TPM2: variants seen among roughly 807,000 people sequenced by gnomAD.
TPM2 encodes tropomyosin 2, also known as tropomyosin beta chain.
TPM2 carries 26 observed loss-of-function variants against 41.0 expected under a neutral mutation model. That is an observed-to-expected ratio of 0.63 (90% CI 0.46 to 0.88). TPM2 has a LOEUF of 0.88. Ranked by LOEUF, TPM2 falls within the 40% of genes least tolerant of loss-of-function variation. The probability of loss-of-function intolerance (pLI) is 0.00; values close to 1 mark genes in which losing one functional copy is unlikely to be tolerated. For missense variants in TPM2, 187 were observed against 355.2 expected, an observed-to-expected ratio of 0.53 and a Z score of 3.81; for synonymous variants, 143 against 139.3, an observed-to-expected ratio of 1.03 and a Z score of -0.19.
intron 7 of TPM2, 59 bp downstream of exon 7, chr9:35,684,427 CGT>C: frequency 6.2e-7 from 1 of 1,610,746 alleles, no homozygotes; most frequent in South Asian, 1.1e-5. Context: ...TGCCACAGGC[CGT>C]CTCTGGCAAG....
intron 2 of TPM2, among the ~76,000 whole-genome samples, chr9:35,687,572 C>T (rs1254840528): frequency 6.6e-6 from 1 of 151,990 alleles, no homozygotes; most frequent in African/African-American, 2.4e-5. Context: ...TAGATGGTAG[C>T]TTGTCTTCCA....
At chr9:35,684,161 G>A in intron 8 of TPM2, 85 bp downstream of exon 8, 1 of 1,407,622 alleles carries the variant, frequency 7.1e-7, no homozygotes, top group Admixed American at 1.7e-5. Context: ...CTAGTTTATT[G>A]GTGGCAAATA....
intron 8 of TPM2, 37 bp downstream of exon 8, chr9:35,684,209 C>T (rs376841207): frequency 8.1e-5 from 129 of 1,596,602 alleles, no homozygotes; most frequent in South Asian, 1.9e-4. Flanking sequence ...CTGATAATCA[C>T]GGCAGGTGTG....
In TPM2 at chr9:35,689,291, G is replaced by C; in HGVS notation, c.115-20C>G. ...CTCCAGCTGGGACAGAGGGGACTTG[G>C]TCAGCCAGGCTGGGAGGGGGCCCAG... On this transcript the variant is annotated intron_variant, in intron 1 of 8. Coordinates refer to ENST00000645482, the MANE Select transcript of TPM2 (RefSeq NM_003289.4). The C allele has an allele frequency of 6.2e-7, 1 of 1,613,990 alleles. No individual in the cohort carries two copies. Among genetic ancestry groups the C allele is most frequent in the Non-Finnish European group, 8.5e-7 (1 of 1,179,970 alleles).
intron 8 of TPM2, chr9:35,683,920 G>A: frequency 2.5e-6 from 1 of 392,310 alleles, no homozygotes; most frequent in Non-Finnish European, 4.9e-6. Context: ...AGGACCAGCA[G>A]CATTGGCAGT....
downstream of TPM2, chr9:35,682,301 G>T: frequency 2.0e-6 from 2 of 1,018,904 alleles, no homozygotes; most frequent in Non-Finnish European, 3.0e-6. Context: ...AGGGCCCCTT[G>T]GCAGGGACAA....
At chr9:35,683,301 A>G (rs564787953) in intron 8 of TPM2, 60 bp from the exon 9 acceptor site, 1 of 1,457,924 alleles carries the variant, frequency 6.9e-7, no homozygotes, top group African/African-American at 1.4e-5. Flanking sequence ...GGAGGGAAAG[A>G]GGAAAGGAAG....
rs1432519477 is a variant in TPM2 at position 35,689,819 on chromosome 9, G to A, written c.-2C>T. The A allele has an allele frequency of 6.2e-7, 1 of 1,613,596 alleles. No individual in the cohort carries two copies. The highest frequency in any genetic ancestry group is 1.6e-4 in the Middle Eastern group (1 of 6,062). ...CATCTTCTTCTTGATGGCGTCCATG[G>A]CTGCGGTGGGGGGTGGGCCGGCCGG... On this transcript the variant is annotated 5_prime_UTR_variant, in exon 1 of 9. Transcript: ENST00000645482.
downstream of TPM2, chr9:35,682,559 C>A: frequency 8.1e-7 from 1 of 1,241,178 alleles, no homozygotes. Context: ...TTGCTGATAT[C>A]CAACATTTTT....
At chr9:35,683,694 A>C (rs1334272766) in intron 8 of TPM2, among the ~76,000 whole-genome samples, 1 of 152,272 alleles carries the variant, frequency 6.6e-6, no homozygotes, top group Non-Finnish European at 1.5e-5. Context: ...CCACATCATC[A>C]TTAACAATAG....
chr9:35,683,992 G>C (rs1276149215), intron 8 of TPM2: 3 of 508,738 alleles, frequency 5.9e-6, no homozygotes, highest in Non-Finnish European at 1.1e-5. Context: ...CTTTGGGGCA[G>C]AGTCAAGGAA....
intron 5 of TPM2, 80 bp from the exon 6 acceptor site, chr9:35,684,887 G>T (rs1824793443): frequency 3.1e-6 from 5 of 1,612,992 alleles, no homozygotes; most frequent in Non-Finnish European, 4.2e-6. Context: ...AGCAGGGGAC[G>T]GGTGGAGGAG....
intron 2 of TPM2, 69 bp downstream of exon 2, chr9:35,689,077 A>C: frequency 6.3e-7 from 1 of 1,588,384 alleles, no homozygotes; most frequent in Admixed American, 1.7e-5. Flanking sequence ...CAATCCTCTT[A>C]TTCCCATACC....
upstream of TPM2, chr9:35,690,031 A>G: frequency 1.5e-6 from 2 of 1,378,946 alleles, no homozygotes; most frequent in Non-Finnish European, 1.9e-6. Context: ...GGGCAGAAGC[A>G]CGGCCCGGCC....
chr9:35,682,398 G>C, downstream of TPM2: 1 of 1,157,080 alleles, frequency 8.6e-7, no homozygotes, highest in South Asian at 1.6e-5. Context: ...GGGTGGGGAG[G>C]GCTGAGTCAT....
chr9:35,685,667 C>T lies in TPM2; in HGVS notation c.354G>A (p.Lys118=). Residue 118 remains lysine, a synonymous_variant, in exon 3 of 9, where the codon AAG becomes AAA. Coordinates refer to ENST00000645482, the MANE Select transcript of TPM2 (RefSeq NM_003289.4). The surrounding 1 kb of genome is among the most constrained non-coding windows in gnomAD (Gnocchi z 5.0). ...ACCACCTCTCGCTCTCATCAGCCGCCTTCTCGGCCTCCTCCAGCTTCTGCA... is the reference window on the plus strand; with the variant it reads ...ACCACCTCTCGCTCTCATCAGCCGCTTTCTCGGCCTCCTCCAGCTTCTGCA... ...TALQKLEEAE[K]AADESERGMK... The T allele has an allele frequency of 6.2e-7, 1 of 1,614,116 alleles. No homozygotes were observed. Among genetic ancestry groups the T allele is most frequent in the Middle Eastern group, 1.6e-4 (1 of 6,062 alleles).
chr9:35,689,009 T>TA, intron 2 of TPM2, 137 bp downstream of exon 2: 1 of 1,038,024 alleles, frequency 9.6e-7, no homozygotes. Flanking sequence ...CTAGCCCTGG[T>TA]TACTGAGATG....
downstream of TPM2, chr9:35,682,295 C>T: frequency 9.2e-7 from 1 of 1,086,440 alleles, no homozygotes; most frequent in Non-Finnish European, 1.4e-6. Context: ...GACCTCAGGG[C>T]CCCTTGGCAG....
chr9:35,682,276 G>A (rs1012024035), downstream of TPM2: 60 of 1,169,678 alleles, frequency 5.1e-5, no homozygotes, highest in Non-Finnish European at 7.1e-5. Flanking sequence ...GAAGACACAT[G>A]CATTCACGGA....
Sources: gnomAD v4.1 joint callset for allele counts (sites outside exome capture counted in the v4.1 genomes callset) on GRCh38, gnomAD v4.1.1 for gene constraint, Gnocchi (gnomAD v3.1) non-coding constraint, MANE v1.5 for transcripts, NCBI Gene and HGNC (gene_info 2026-07-23, HGNC 2026-07-21) for gene names.